ZNF33A: variants seen among roughly 807,000 people sequenced by gnomAD.
ZNF33A encodes the protein brain my041 protein.
In ZNF33A, 9 loss-of-function variants were observed where a neutral mutation model predicts 15.9. That is an observed-to-expected ratio of 0.57 (90% CI 0.34 to 0.99). ZNF33A has a LOEUF of 0.99. Ranked by LOEUF, ZNF33A falls within the 50% of genes least tolerant of loss-of-function variation. The probability of loss-of-function intolerance (pLI) is 0.02; values close to 1 mark genes in which losing one functional copy is unlikely to be tolerated. For missense variants in ZNF33A, 843 were observed against 941.6 expected (o/e 0.90, Z 1.37); for synonymous variants, 294 against 324.2 (o/e 0.91, Z 1.00).
chr10:38,022,941 A>T (rs1211185029), intron 4 of ZNF33A, among the ~76,000 whole-genome samples: 1 of 152,018 alleles, frequency 6.6e-6, no homozygotes, highest in Admixed American at 6.6e-5. Context: ...TAGAAGTGGG[A>T]ATATTTATTT....
At chr10:38,052,687 A>G (rs2066259436) in intron 4 of ZNF33A, among the ~76,000 whole-genome samples, 1 of 152,156 alleles carries the variant, frequency 6.6e-6, no homozygotes. Context: ...GAAAAATAAA[A>G]GCTGAGTTGT....
Position 38,010,698 on chromosome 10 carries a change from T to C in ZNF33A, c.-130T>C. 1.9e-6 allele frequency: 3 copies of C among 1,597,892 alleles called. No homozygotes were observed. The highest frequency in any genetic ancestry group is 2.5e-6 in the Non-Finnish European group (3 of 1,179,404). Reference sequence around the variant, plus strand: ...GCGTTTCCGCCTTTCCTTTTGTTTTTCTCAGGTTTTGCGTGGGAGGCGGTC... The same window carrying C: ...GCGTTTCCGCCTTTCCTTTTGTTTTCCTCAGGTTTTGCGTGGGAGGCGGTC... On this transcript the variant is annotated 5_prime_UTR_variant, in exon 1 of 5. Transcript: ENST00000432900.
intron 2 of ZNF33A, among the ~76,000 whole-genome samples, chr10:38,015,371 C>A (rs760603989): frequency 1.4e-4 from 22 of 151,872 alleles, no homozygotes; most frequent in Non-Finnish European, 3.2e-4. Context: ...GTGGTGCTGA[C>A]CTTGGCTCAC....
At chr10:38,064,047 C>T (rs1185563818), downstream of ZNF33A, 4 of 1,587,224 alleles carry the variant, frequency 2.5e-6, no homozygotes, top group East Asian at 2.2e-5. Context: ...CTACGACAGA[C>T]ATTTTCAAAT....
At chr10:38,027,829 T>C (rs1222540131) in intron 4 of ZNF33A, among the ~76,000 whole-genome samples, 2 of 152,204 alleles carry the variant, frequency 1.3e-5, no homozygotes, top group African/African-American at 2.4e-5. Context: ...AGCTTATGAC[T>C]TAATCTATTT....
intron 1 of ZNF33A, among the ~76,000 whole-genome samples, chr10:38,011,170 C>T (rs1249728363): frequency 7.2e-5 from 11 of 152,226 alleles, no homozygotes; most frequent in African/African-American, 2.2e-4. Flanking sequence ...CTCGGTTGCA[C>T]GTATTGCATT....
chr10:38,051,723 T>G (rs1368888921), intron 4 of ZNF33A, among the ~76,000 whole-genome samples: 1 of 152,080 alleles, frequency 6.6e-6, no homozygotes, highest in Non-Finnish European at 1.5e-5. Flanking sequence ...ATAAAATATA[T>G]TAAAAGAAAA....
At chr10:38,032,705 C>T (rs1162329424) in intron 4 of ZNF33A, among the ~76,000 whole-genome samples, 1 of 150,902 alleles carries the variant, frequency 6.6e-6, no homozygotes, top group Non-Finnish European at 1.5e-5. Flanking sequence ...GGCACCTCAG[C>T]CTCCCAAAGT....
Position 38,014,035 on chromosome 10 carries a change from A to ATTTTTTTTTTTT in ZNF33A, c.9+1702_9+1713dup, listed in dbSNP as rs10658326. Among the ~76,000 whole-genome samples, 6 of 80,382 alleles carry ATTTTTTTTTTTT rather than the reference A, an allele frequency of 7.5e-5. 1 individual carries two copies. Among genetic ancestry groups the ATTTTTTTTTTTT allele is most frequent in the African/African-American group, 1.7e-4 (3 of 18,086 alleles). The allele number at this position is 80,382 out of a possible 152,430, so 52.7% of individuals were successfully genotyped here. ...AAAGCCCCAAATTTAATGATGTCTG[A>ATTTTTTTTTTTT]TTTTTTTTTTTTTTTTTTTTTTTTT... is the stretch of plus-strand genomic sequence containing the variant. On this transcript the variant is annotated intron_variant, in intron 2 of 4. Coordinates refer to ENST00000432900, the MANE Select transcript of ZNF33A (RefSeq NM_006954.2).
At position 38,016,971 on chromosome 10, in the gene ZNF33A, A is replaced by G. The variant is rs147727907; in HGVS notation, c.110A>G (p.Tyr37Cys). 2.4e-5 allele frequency: 38 copies of G among 1,612,476 alleles called. No individual in the cohort carries two copies. The highest frequency in any genetic ancestry group is 2.3e-4 in the African/African-American group (17 of 74,854). The part of the protein sequence containing the change: ...QHLDPSQRAL[Y>C]RDVMLENYSN... ...CTGGACCCTAGTCAGAGGGCTCTGT[A>G]TAGAGATGTGATGCTGGAGAACTAC... The change falls in exon 3 of 5, where the codon TAT becomes TGT. Residue 37 changes from tyrosine to cysteine, a missense_variant. By Grantham distance (194) the Tyr-to-Cys change is radical (BLOSUM62 -2). Coordinates refer to ENST00000432900, the MANE Select transcript of ZNF33A (RefSeq NM_006954.2).
chr10:38,052,334 G>A (rs1213772521), intron 4 of ZNF33A, among the ~76,000 whole-genome samples: 1 of 151,992 alleles, frequency 6.6e-6, no homozygotes, highest in Non-Finnish European at 1.5e-5. Context: ...ATGATCAATT[G>A]GAACTTGAAA....
At chr10:38,063,561 CTACATGTTTAAAGGGAGGAT>C (rs1564892717), downstream of ZNF33A, among the ~76,000 whole-genome samples, 1 of 152,146 alleles carries the variant, frequency 6.6e-6, no homozygotes, top group African/African-American at 2.4e-5. Context: ...TGTTCTCTGT[CTACATGTTTAAAGGGAGGAT>C]TACATGTGAA....
At position 38,056,421 on chromosome 10, in the gene ZNF33A, T is replaced by G. The variant is rs772103226; in HGVS notation, c.2297T>G (p.Val766Gly). 2 of 1,614,134 alleles carry G rather than the reference T, an allele frequency of 1.2e-6. No homozygotes were observed. The highest frequency in any genetic ancestry group is 1.7e-6 in the Non-Finnish European group (2 of 1,179,972). ...KTFSQKSNLI[V>G]HQRRHIGENL... ...TTCTCTCAAAAGTCAAATCTCATTG[T>G]ACATCAGAGAAGACATATAGGAGAA... Residue 766 changes from valine to glycine, a missense_variant, in exon 5 of 5, where the codon GTA (valine) becomes GGA (glycine). Physicochemically the swap from Val to Gly is moderately radical, Grantham distance 109. Transcript: ENST00000432900.
At chr10:38,039,332 C>T in intron 4 of ZNF33A, 1 of 380,266 alleles carries the variant, frequency 2.6e-6, no homozygotes, top group African/African-American at 2.1e-5. Flanking sequence ...AGGCAATTTT[C>T]CCACCTCAGC....
downstream of ZNF33A, among the ~76,000 whole-genome samples, chr10:38,063,361 C>G (rs779659279): frequency 6.6e-6 from 1 of 152,142 alleles, no homozygotes; most frequent in Non-Finnish European, 1.5e-5. Flanking sequence ...GAAGGTACCA[C>G]TTGAATGGGA....
In ZNF33A at chr10:38,054,446, T is replaced by G; in HGVS notation, c.322T>G (p.Phe108Val). 6.2e-7 allele frequency: 1 copy of G among 1,609,248 alleles called. No homozygotes were observed. Among genetic ancestry groups the G allele is most frequent in the South Asian group, 1.1e-5 (1 of 89,510 alleles). ...NQSKHLWEVVFINNEMLTKEQ... is the reference protein window; with the variant it reads ...NQSKHLWEVVVINNEMLTKEQ... ...ATCTAAACATTTGTGGGAAGTTGTATTCATCAATAATGAAATGCTGACTAA... is the reference window on the plus strand; with the variant it reads ...ATCTAAACATTTGTGGGAAGTTGTAGTCATCAATAATGAAATGCTGACTAA... Residue 108 changes from phenylalanine (F) to valine (V), a missense_variant, in exon 5 of 5, where the codon TTC becomes GTC. Transcript: ENST00000432900.
At chr10:38,030,008 T>G (rs2505201) in intron 4 of ZNF33A, among the ~76,000 whole-genome samples, 9,120 of 152,232 alleles carry the variant, frequency 0.06, 350 homozygotes, top group Middle Eastern at 0.095. Context: ...CAAACTCATA[T>G]GAGGATAAAT....
intron 4 of ZNF33A, among the ~76,000 whole-genome samples, chr10:38,038,875 G>A (rs567161950): frequency 6.6e-6 from 1 of 152,262 alleles, no homozygotes; most frequent in South Asian, 2.1e-4. Flanking sequence ...CTTACGTGGT[G>A]TATTAATTGA....
At chr10:38,044,430 G>A (rs2065863540) in intron 4 of ZNF33A, among the ~76,000 whole-genome samples, 1 of 151,664 alleles carries the variant, frequency 6.6e-6, no homozygotes, top group Non-Finnish European at 1.5e-5. Context: ...GTCTGGTCTT[G>A]AACTCCTGAC....
Sources: allele counts gnomAD v4.1 joint callset (sites outside exome capture counted in the v4.1 genomes callset), GRCh38; gene constraint gnomAD v4.1.1; transcripts MANE v1.5; gene names NCBI Gene and HGNC (gene_info 2026-07-23, HGNC 2026-07-21).